ADAMTSL1: variants seen among roughly 807,000 people sequenced by gnomAD.
ADAMTSL1 encodes ADAMTS-like protein 1.
Under a neutral mutation model 201.8 loss-of-function variants are expected in ADAMTSL1, and 126 were observed. That is an observed-to-expected ratio of 0.62 (90% CI 0.54 to 0.72). The LOEUF (loss-of-function observed/expected upper bound fraction) is 0.72, where lower values mean the gene tolerates loss of function less well. ADAMTSL1 is among the 30% of genes least tolerant of loss of function. The probability of loss-of-function intolerance (pLI) is 0.00; values close to 1 mark genes in which losing one functional copy is unlikely to be tolerated. For missense variants in ADAMTSL1, 2,679 were observed against 2,277.8 expected, an observed-to-expected ratio of 1.18 and a Z score of -3.59; for synonymous variants, 1,121 against 903.4, an observed-to-expected ratio of 1.24 and a Z score of -4.32.
At chr9:18,399,066 C>T (rs1488433132) in intron 2 of ADAMTSL1, among the ~76,000 whole-genome samples, 2 of 151,564 alleles carry the variant, frequency 1.3e-5, no homozygotes, top group African/African-American at 4.8e-5. Flanking sequence ...GATGTTCTCT[C>T]CTGGGGTTAC....
intron 9 of ADAMTSL1, among the ~76,000 whole-genome samples, chr9:18,671,041 T>C (rs1233244756): frequency 6.6e-6 from 1 of 152,226 alleles, no homozygotes; most frequent in African/African-American, 2.4e-5. Flanking sequence ...TGTTATACTA[T>C]AATGTTTAGG....
rs200182556 is a variant in ADAMTSL1, at chr9:18,795,189, C to T, written c.3678-208C>T. ...CACAGGCTGCAAAGGCAATGGGAAA[C>T]CTCCTTATTTGAGATCACTACCACA... is the stretch of plus-strand genomic sequence containing the variant. On this transcript the variant is annotated intron_variant, in intron 19 of 28. Coordinates refer to ENST00000380548, the MANE Select transcript of ADAMTSL1 (RefSeq NM_001040272.6). Among the ~76,000 whole-genome samples, 309 of 86,024 alleles carry T rather than the reference C, an allele frequency of 3.6e-3. 7 individuals carry two copies. The East Asian group carries it at 0.057, about 16-fold the overall frequency. 56.4% of individuals were successfully genotyped at this position (86,024 alleles called of 152,430 possible).
At chr9:18,779,752 G>A (rs1821276071) in intron 19 of ADAMTSL1, among the ~76,000 whole-genome samples, 1 of 152,174 alleles carries the variant, frequency 6.6e-6, no homozygotes, top group Admixed American at 6.5e-5. Flanking sequence ...GCTCCAGTGT[G>A]TGGACCCAGG....
intron 1 of ADAMTSL1, among the ~76,000 whole-genome samples, chr9:18,023,942 T>G (rs1820587353): frequency 6.6e-6 from 1 of 152,154 alleles, no homozygotes; most frequent in African/African-American, 2.4e-5. Context: ...ATTTACTTTT[T>G]AAATACCAAG....
At position 18,355,492 on chromosome 9, in the gene ADAMTSL1, T is replaced by TTTCAAA. The variant is rs535102788; in HGVS notation, c.208-149335_208-149330dup. 4.5e-4 allele frequency among the ~76,000 whole-genome samples: 68 copies of TTTCAAA among 152,258 alleles called. No individual in the cohort carries two copies. The South Asian group carries it at 0.013, about 28-fold the overall frequency. Reference sequence around the variant, plus strand: ...GGATTCTTAAAATTGTATAAGCCCTTTTCAAATGAGAAGTTTCTAAAGCCA... The same window carrying TTTCAAA: ...GGATTCTTAAAATTGTATAAGCCCTTTTCAAATTCAAATGAGAAGTTTCTAAAGCCA... On this transcript the variant is annotated intron_variant, in intron 2 of 29. Transcript: ENST00000680146.
At chr9:18,475,268 A>G (rs1425159739) in intron 1 of ADAMTSL1, among the ~76,000 whole-genome samples, 1 of 152,192 alleles carries the variant, frequency 6.6e-6, no homozygotes, top group Non-Finnish European at 1.5e-5. Flanking sequence ...AGAACAAGGT[A>G]AAAATGTAGC....
At chr9:18,654,399 A>C (rs935931104) in intron 7 of ADAMTSL1, among the ~76,000 whole-genome samples, 3 of 152,258 alleles carry the variant, frequency 2.0e-5, no homozygotes, top group Non-Finnish European at 4.4e-5. Flanking sequence ...AATAGTTAGA[A>C]ATTTCAAAAG....
chr9:18,230,397 G>A (rs1327560537), intron 2 of ADAMTSL1, among the ~76,000 whole-genome samples: 1 of 152,144 alleles, frequency 6.6e-6, no homozygotes, highest in Non-Finnish European at 1.5e-5. Flanking sequence ...GAGAAGTAGG[G>A]GAAGTGTCCC....
intron 10 of ADAMTSL1, 48 bp from the exon 11 acceptor site, chr9:18,680,264 G>T: frequency 6.4e-7 from 1 of 1,574,676 alleles, no homozygotes; most frequent in East Asian, 2.3e-5. Flanking sequence ...CACTGAGGAG[G>T]CTTAGCAATG....
intron 2 of ADAMTSL1, among the ~76,000 whole-genome samples, chr9:18,368,056 C>T (rs866440287): frequency 2.0e-4 from 30 of 151,254 alleles, no homozygotes; most frequent in Admixed American, 6.6e-4. Flanking sequence ...CCCGCCACCA[C>T]GCCAGGCTAA....
intron 20 of ADAMTSL1, among the ~76,000 whole-genome samples, chr9:18,808,120 A>C (rs1430626049): frequency 6.6e-6 from 1 of 152,216 alleles, no homozygotes; most frequent in Non-Finnish European, 1.5e-5. Context: ...CTCACCAGGA[A>C]GAAGAGGAAC....
chr9:17,936,236 CCT>C (rs1240325695), intron 1 of ADAMTSL1, among the ~76,000 whole-genome samples: 2 of 152,096 alleles, frequency 1.3e-5, no homozygotes, highest in Non-Finnish European at 2.9e-5. Flanking sequence ...TTATGTATCT[CCT>C]TTGCAACTTC....
At chr9:18,090,641 C>G (rs538835422) in intron 1 of ADAMTSL1, among the ~76,000 whole-genome samples, 1 of 151,952 alleles carries the variant, frequency 6.6e-6, no homozygotes, top group Non-Finnish European at 1.5e-5. Flanking sequence ...GTTTTAATTG[C>G]GGAATGTGAA....
In ADAMTSL1 at chr9:18,613,956, T is replaced by C. The variant is rs76386360; in HGVS notation, c.475-8287T>C. Among the ~76,000 whole-genome samples, 1,426 of 152,274 alleles carry C rather than the reference T, an allele frequency of 9.4e-3. 18 individuals carry two copies. Among genetic ancestry groups the C allele is most frequent in the African/African-American group, 0.033 (1,376 of 41,548 alleles). On this transcript the variant is annotated intron_variant, in intron 4 of 28. Transcript: ENST00000380548. ...AATAGTCTGATCAAAGTAGATCTTA[T>C]TGAGAAGGTATTAATTTTCTCAAAC...
intron 2 of ADAMTSL1, among the ~76,000 whole-genome samples, chr9:18,309,579 A>G (rs1226254880): frequency 6.6e-6 from 1 of 152,158 alleles, no homozygotes; most frequent in East Asian, 1.9e-4. Flanking sequence ...GTGCACTCCC[A>G]TTTAAAATTG....
At chr9:18,299,890 C>A (rs1424093049) in intron 2 of ADAMTSL1, among the ~76,000 whole-genome samples, 2 of 152,202 alleles carry the variant, frequency 1.3e-5, no homozygotes, top group Admixed American at 6.5e-5. Context: ...TAAAGTATTT[C>A]AAAGAACTGG....
chr9:18,465,942 G>A (rs1820988480), intron 2 of ADAMTSL1, among the ~76,000 whole-genome samples: 1 of 151,984 alleles, frequency 6.6e-6, no homozygotes, highest in Admixed American at 6.6e-5. Context: ...GTAGAGATGG[G>A]GTTTCACCAC....
intron 3 of ADAMTSL1, among the ~76,000 whole-genome samples, chr9:18,543,363 A>G (rs1034163844): frequency 3.3e-5 from 5 of 151,848 alleles, no homozygotes; most frequent in Non-Finnish European, 5.9e-5. Context: ...TTTTAATGCT[A>G]AAATTAGATA....
chr9:18,651,910 T>TTATATA (rs144354985), intron 7 of ADAMTSL1, among the ~76,000 whole-genome samples: 21,635 of 149,916 alleles, frequency 0.14, 1,937 homozygotes, highest in Middle Eastern at 0.22. Flanking sequence ...GTTTATAAAA[T>TTATATA]TATATATATA....
Sources: allele counts gnomAD v4.1 joint callset (sites outside exome capture counted in the v4.1 genomes callset), GRCh38; gene constraint gnomAD v4.1.1; transcripts MANE v1.5; gene names NCBI Gene and HGNC (gene_info 2026-07-23, HGNC 2026-07-21).